Variants in TM6SF1 observed in about 807,000 individuals in gnomAD.
TM6SF1 encodes the protein transmembrane 6 superfamily member 1.
TM6SF1 carries 43 observed loss-of-function variants against 47.1 expected under a neutral mutation model. The ratio of observed to expected loss-of-function variants is 0.91; its 90% confidence interval spans 0.72 to 1.18. The LOEUF (loss-of-function observed/expected upper bound fraction) is 1.18, where lower values mean the gene tolerates loss of function less well. Ranked by LOEUF, TM6SF1 falls within the 50% of genes most tolerant of loss-of-function variation. The pLI is 0.00. For missense variants in TM6SF1, 390 were observed against 449.0 expected, an observed-to-expected ratio of 0.87 and a Z score of 1.19; for synonymous variants, 177 against 166.3, an observed-to-expected ratio of 1.06 and a Z score of -0.49.
At chr15:83,110,656 T>C (rs2034062416) in intron 1 of TM6SF1, among the ~76,000 whole-genome samples, 1 of 152,120 alleles carries the variant, frequency 6.6e-6, no homozygotes. Flanking sequence ...TTAAAATGCC[T>C]GTCAGCTGAC....
chr15:83,121,912 T>C lies in TM6SF1; in HGVS notation c.399-9T>C, dbSNP rs750181938. The C allele has an allele frequency of 3.8e-6, 6 of 1,592,416 alleles. No individual in the cohort carries two copies. Among genetic ancestry groups the C allele is most frequent in the South Asian group, 3.5e-5 (3 of 85,436 alleles). On this transcript the variant is annotated splice_polypyrimidine_tract_variant and intron_variant, in intron 4 of 9. Coordinates refer to ENST00000322019, the MANE Select transcript of TM6SF1 (RefSeq NM_023003.5). ...CCAAGTCAAGATTTTTTTGTTGTTG[T>C]TGTTACAGGGAAACTTATAGAACCA...
At chr15:83,111,541 C>T (rs2034181506) in intron 1 of TM6SF1, 1 of 869,446 alleles carries the variant, frequency 1.2e-6, no homozygotes, top group Admixed American at 6.2e-5. Context: ...CCCCCCTTCC[C>T]TCCCTCCTTC....
At chr15:83,120,582 TA>T (rs1407893199) in intron 4 of TM6SF1, among the ~76,000 whole-genome samples, 9 of 149,766 alleles carry the variant, frequency 6.0e-5, no homozygotes, top group African/African-American at 1.7e-4. Flanking sequence ...CAGCTCCAGC[TA>T]ATTCTTTTTT....
At chr15:83,117,788 C>A (rs1465495700) in intron 3 of TM6SF1, among the ~76,000 whole-genome samples, 1 of 152,064 alleles carries the variant, frequency 6.6e-6, no homozygotes, top group Non-Finnish European at 1.5e-5. Context: ...AGAGGAACAA[C>A]ATGCCAAGAG....
chr15:83,108,030 C>T, intron 1 of TM6SF1: 2 of 670,162 alleles, frequency 3.0e-6, no homozygotes, highest in Non-Finnish European at 2.1e-6. Context: ...GCCAGGTGCC[C>T]GGGGTCACAG....
chr15:83,116,521 C>T (rs1185115798), intron 3 of TM6SF1, among the ~76,000 whole-genome samples: 3 of 152,230 alleles, frequency 2.0e-5, no homozygotes, highest in African/African-American at 4.8e-5. Flanking sequence ...AAAGCAGATT[C>T]TTCATCCATG....
At chr15:83,135,862 A>G (rs2151389427) in intron 9 of TM6SF1, 1 of 152,308 alleles carries the variant, frequency 6.6e-6, no homozygotes, top group Non-Finnish European at 1.5e-5. Flanking sequence ...TATCTTACAA[A>G]CAACCCTTAA....
intron 4 of TM6SF1, 84 bp from the exon 5 acceptor site, chr15:83,121,837 C>T (rs1596496420): frequency 2.0e-6 from 2 of 1,008,300 alleles, no homozygotes; most frequent in Non-Finnish European, 1.5e-6. Context: ...AGTTTGAATA[C>T]AAAATAATAT....
rs1462569185 is a variant in TM6SF1 at position 83,122,859 on chromosome 15, A to C, written c.584A>C (p.Asn195Thr). The change falls in exon 6 of 10, where the codon AAT becomes ACT. Residue 195 changes from asparagine (N) to threonine (T), a missense_variant. Transcript: ENST00000322019. ...AGAATCTATAATCAGCCATCAGAAA[A>C]TTATAATTACCCCTCAAAGGTGATT... Reference protein sequence around the residue: ...GFRIYNQPSENYNYPSKVIQE... With the variant: ...GFRIYNQPSETYNYPSKVIQE... The C allele has an allele frequency of 6.2e-7, 1 of 1,613,934 alleles. No homozygotes were observed. The highest frequency in any genetic ancestry group is 8.5e-7 in the Non-Finnish European group (1 of 1,180,000).
At chr15:83,123,296 G>A (rs1251619342) in intron 6 of TM6SF1, among the ~76,000 whole-genome samples, 3 of 152,056 alleles carry the variant, frequency 2.0e-5, no homozygotes. Flanking sequence ...CCTCAAGGTA[G>A]TCTACACAGC....
chr15:83,109,533 C>G (rs1454938152), intron 1 of TM6SF1, among the ~76,000 whole-genome samples: 4 of 152,102 alleles, frequency 2.6e-5, no homozygotes, highest in Non-Finnish European at 4.4e-5. Flanking sequence ...AGGTTAAAAC[C>G]CCCGTGGCCT....
chr15:83,112,832 T>C lies in TM6SF1; in HGVS notation c.128T>C (p.Leu43Pro). ...WTIVGVAALILFLVALLARVL... is the reference protein window; with the variant it reads ...WTIVGVAALIPFLVALLARVL... ...ATTGTAGGGGTTGCTGCCCTCATCC[T>C]GTTCCTGGTAGCACTGCTGGCTCGT... is the stretch of plus-strand genomic sequence containing the variant. The change falls in exon 2 of 10, where the codon CTG (leucine) becomes CCG (proline). Residue 43 changes from leucine to proline, a missense_variant. Physicochemically the swap from Leu to Pro is moderately conservative, Grantham distance 98. Coordinates refer to ENST00000322019, the MANE Select transcript of TM6SF1 (RefSeq NM_023003.5). 6.2e-7 allele frequency: 1 copy of C among 1,614,192 alleles called. No homozygotes were observed. The highest frequency in any genetic ancestry group is 1.3e-5 in the African/African-American group (1 of 75,068).
At chr15:83,124,565 T>G (rs1247096779) in intron 6 of TM6SF1, 107 bp from the exon 7 acceptor site, 1 of 804,186 alleles carries the variant, frequency 1.2e-6, no homozygotes, top group African/African-American at 1.7e-5. Flanking sequence ...ATATAAATTG[T>G]GCATCTTCAA....
chr15:83,115,404 C>A (rs1394970350), intron 2 of TM6SF1: 3 of 320,300 alleles, frequency 9.4e-6, no homozygotes, highest in Non-Finnish European at 1.8e-5. Flanking sequence ...AGACTTGAGC[C>A]ACCATGCCCA....
At chr15:83,128,097 A>C (rs914907791) in intron 9 of TM6SF1, 2 of 152,260 alleles carry the variant, frequency 1.3e-5, no homozygotes, top group African/African-American at 4.8e-5. Flanking sequence ...CTTCTGAACA[A>C]GGAAGAAAAT....
chr15:83,122,976 G>A, intron 6 of TM6SF1, 98 bp downstream of exon 6: 1 of 1,358,220 alleles, frequency 7.4e-7, no homozygotes, highest in African/African-American at 1.5e-5. Context: ...GTGGACTGGA[G>A]CATTTGGGGC....
chr15:83,112,958 C>T (rs2034324447), intron 2 of TM6SF1, 58 bp downstream of exon 2: 2 of 1,366,886 alleles, frequency 1.5e-6, no homozygotes, highest in Non-Finnish European at 2.1e-6. Context: ...TACTTTCAGC[C>T]TCAGTCACAT....
chr15:83,122,684 G>A, intron 5 of TM6SF1, 73 bp from the exon 6 acceptor site: 1 of 1,539,988 alleles, frequency 6.5e-7, no homozygotes, highest in Non-Finnish European at 8.8e-7. Context: ...ACCTGAGATG[G>A]GGAGGTATCC....
intron 6 of TM6SF1, among the ~76,000 whole-genome samples, chr15:83,124,324 C>T (rs2035538927): frequency 6.6e-6 from 1 of 152,036 alleles, no homozygotes; most frequent in Admixed American, 6.6e-5. Context: ...TATCTATTTA[C>T]ATGTATTACT....
Sources: allele counts gnomAD v4.1 joint callset (sites outside exome capture counted in the v4.1 genomes callset), GRCh38; gene constraint gnomAD v4.1.1; transcripts MANE v1.5; gene names NCBI Gene and HGNC (gene_info 2026-07-23, HGNC 2026-07-21).